Variants in ESR2 observed in about 807,000 individuals in gnomAD.
ESR2 encodes estrogen receptor beta.
ESR2 carries 36 observed loss-of-function variants against 49.6 expected under a neutral mutation model. The observed-to-expected ratio is 0.73, with a 90% CI of 0.56 to 0.96. ESR2 has a LOEUF of 0.96. ESR2 is among the 40% of genes least tolerant of loss of function. The probability of loss-of-function intolerance (pLI) is 0.00; values close to 1 mark genes in which losing one functional copy is unlikely to be tolerated. For missense variants in ESR2, 714 were observed against 693.0 expected, an observed-to-expected ratio of 1.03 and a Z score of -0.34; for synonymous variants, 320 against 266.1, an observed-to-expected ratio of 1.20 and a Z score of -1.97.
At chr14:64,269,564 A>ATAT (rs2076397582) in intron 3 of ESR2, among the ~76,000 whole-genome samples, 1 of 152,194 alleles carries the variant, frequency 6.6e-6, no homozygotes, top group African/African-American at 2.4e-5. Flanking sequence ...ATATATCAAT[A>ATAT]GATGTGCTGC....
intron 1 of ESR2, among the ~76,000 whole-genome samples, chr14:64,327,298 C>A (rs112338759): frequency 1.3e-5 from 2 of 152,162 alleles, no homozygotes; most frequent in African/African-American, 2.4e-5. Flanking sequence ...CAGTGGCAAA[C>A]GCCTGTAATC....
At position 64,244,378 on chromosome 14, in the gene ESR2, T is replaced by C. The variant is rs2075804523; in HGVS notation, c.1225+5168A>G. Among the ~76,000 whole-genome samples, 7 of 143,790 alleles carry C rather than the reference T, an allele frequency of 4.9e-5. No homozygotes were observed. In the South Asian group the frequency reaches 1.3e-3, roughly 27 times the overall value. 94.3% of individuals were successfully genotyped at this position (143,790 alleles called of 152,430 possible). A position where few individuals can be genotyped will look rare whatever the true frequency, so the allele number is the denominator to read the frequency against. On this transcript the variant is annotated intron_variant, in intron 7 of 8. Transcript: ENST00000341099. ...TGGCACCACTGCACTCCAGCCTGAGTAACAAAGCAAGACTTCATCTCAAAA... is the reference window on the plus strand; with the variant it reads ...TGGCACCACTGCACTCCAGCCTGAGCAACAAAGCAAGACTTCATCTCAAAA...
intron 7 of ESR2, 58 bp from the exon 8 acceptor site, chr14:64,235,208 T>G: frequency 6.4e-7 from 1 of 1,568,618 alleles, no homozygotes; most frequent in South Asian, 1.1e-5. Context: ...AGAAGTCGTG[T>G]GCTCAGCTGT....
chr14:64,320,695 C>A (rs2077315392), intron 1 of ESR2, among the ~76,000 whole-genome samples: 1 of 152,096 alleles, frequency 6.6e-6, no homozygotes, highest in African/African-American at 2.4e-5. Context: ...CAGTTCAAGA[C>A]CAGCCTGACC....
chr14:64,250,708 C>T (rs2075969135), intron 6 of ESR2, among the ~76,000 whole-genome samples: 1 of 152,198 alleles, frequency 6.6e-6, no homozygotes, highest in South Asian at 2.1e-4. Context: ...CTGGCTGCTC[C>T]CCTCCTCCTT....
downstream of ESR2, chr14:64,226,734 A>C (rs2098721270): frequency 7.2e-6 from 1 of 139,320 alleles, no homozygotes; most frequent in African/African-American, 3.0e-5. Context: ...TCAGTCACCC[A>C]GGCTGGAGTG....
Position 64,230,653 on chromosome 14 carries a change from G to A in ESR2, c.*2484C>T, listed in dbSNP as rs2098726284. Among the ~76,000 whole-genome samples, 1 of 151,914 alleles carries A rather than the reference G, an allele frequency of 6.6e-6. No individual in the cohort carries two copies. Among genetic ancestry groups the A allele is most frequent in the African/African-American group, 2.4e-5 (1 of 41,378 alleles). On this transcript the variant is annotated 3_prime_UTR_variant, in exon 9 of 9. Transcript: ENST00000341099. Reference sequence around the variant, plus strand: ...CTATTTTAGGGTCAAGTCTTTTGTAGTCAGTCCTGGTGGGCAGTCACTATG... The same window carrying A: ...CTATTTTAGGGTCAAGTCTTTTGTAATCAGTCCTGGTGGGCAGTCACTATG...
At chr14:64,253,560 TTGTGTGTGTGTGTGTG>T (rs752711685) in intron 6 of ESR2, among the ~76,000 whole-genome samples, 23 of 136,544 alleles carry the variant, frequency 1.7e-4, no homozygotes, top group East Asian at 4.1e-4. Context: ...GGTACACTAT[TTGTGTGTGTGTGTGTG>T]TGTGTGTGTG....
At chr14:64,308,108 A>G (rs2077132776) in intron 1 of ESR2, among the ~76,000 whole-genome samples, 1 of 151,846 alleles carries the variant, frequency 6.6e-6, no homozygotes, top group Non-Finnish European at 1.5e-5. Context: ...TCAACCTCCC[A>G]GGCTCAAGCC....
At chr14:64,226,735 G>C (rs145278696), downstream of ESR2, 5 of 139,604 alleles carry the variant, frequency 3.6e-5, no homozygotes, top group East Asian at 1.0e-3. Context: ...CAGTCACCCA[G>C]GCTGGAGTGC....
At chr14:64,265,370 A>C (rs2076307880) in intron 4 of ESR2, among the ~76,000 whole-genome samples, 1 of 152,228 alleles carries the variant, frequency 6.6e-6, no homozygotes, top group Non-Finnish European at 1.5e-5. Flanking sequence ...GCTACCCTAC[A>C]GTACAGGAAC....
intron 7 of ESR2, among the ~76,000 whole-genome samples, chr14:64,237,035 A>G (rs1486486656): frequency 4.6e-5 from 7 of 150,832 alleles, no homozygotes; most frequent in African/African-American, 9.8e-5. Context: ...ATCTCAGCTC[A>G]CTGCAACCTC....
intron 1 of ESR2, among the ~76,000 whole-genome samples, chr14:64,315,160 C>G (rs1016405486): frequency 6.8e-6 from 1 of 147,238 alleles, no homozygotes; most frequent in Non-Finnish European, 1.5e-5. Flanking sequence ...AGGAAAATCA[C>G]TTGAACCTGG....
At chr14:64,279,124 A>AT (rs1277192379) in intron 3 of ESR2, among the ~76,000 whole-genome samples, 1 of 152,202 alleles carries the variant, frequency 6.6e-6, no homozygotes, top group Non-Finnish European at 1.5e-5. Context: ...CAATCAGAAA[A>AT]TCTTTGAACT....
At chr14:64,250,311 A>G (rs910297337) in intron 6 of ESR2, among the ~76,000 whole-genome samples, 3 of 152,214 alleles carry the variant, frequency 2.0e-5, no homozygotes, top group Non-Finnish European at 4.4e-5. Flanking sequence ...AGGTGGGGAA[A>G]AATTTTTGAC....
intron 4 of ESR2, among the ~76,000 whole-genome samples, chr14:64,268,562 C>T (rs1424049755): frequency 6.6e-6 from 1 of 152,202 alleles, no homozygotes; most frequent in Non-Finnish European, 1.5e-5. Context: ...CTCTAGAAAG[C>T]TCTTCTCTAC....
At chr14:64,321,711 T>A (rs1018191440) in intron 1 of ESR2, among the ~76,000 whole-genome samples, 1 of 152,176 alleles carries the variant, frequency 6.6e-6, no homozygotes, top group South Asian at 2.1e-4. Flanking sequence ...CAGGCATATA[T>A]GAAGATGCTT....
chr14:64,299,156 A>T (rs986812953), upstream of ESR2, among the ~76,000 whole-genome samples: 8 of 121,594 alleles, frequency 6.6e-5, no homozygotes, highest in Admixed American at 1.6e-4. Flanking sequence ...GAAATGAGAT[A>T]AAAAAAAAAA....
intron 1 of ESR2, among the ~76,000 whole-genome samples, chr14:64,332,929 G>A (rs1393665317): frequency 2.7e-5 from 4 of 148,394 alleles, no homozygotes; most frequent in South Asian, 4.3e-4. Flanking sequence ...TGGAGGGTAG[G>A]GCAGTGGCGC....
Sources: gnomAD v4.1 joint callset for allele counts (sites outside exome capture counted in the v4.1 genomes callset) on GRCh38, gnomAD v4.1.1 for gene constraint, MANE v1.5 for transcripts, NCBI Gene and HGNC (gene_info 2026-07-23, HGNC 2026-07-21) for gene names.